TBC1D31: variants seen among roughly 807,000 people sequenced by gnomAD.
TBC1D31 encodes TBC1 domain family member 31.
TBC1D31 carries 99 observed loss-of-function variants against 132.9 expected under a neutral mutation model. The observed-to-expected ratio is 0.74, with a 90% CI of 0.63 to 0.88. The LOEUF is 0.88. Ranked by LOEUF, TBC1D31 falls within the 40% of genes least tolerant of loss-of-function variation. The probability of loss-of-function intolerance (pLI) is 0.00; values close to 1 mark genes in which losing one functional copy is unlikely to be tolerated. For synonymous variants in TBC1D31, 385 were observed against 419.4 expected (o/e 0.92, Z 1.00); for missense variants, 1,134 against 1,256.6 (o/e 0.90, Z 1.48).
rs1815951013 is a variant in TBC1D31, at chr8:123,088,039, A to T, written c.519+3699A>T. Among the ~76,000 whole-genome samples the T allele has an allele frequency of 5.9e-5, 9 of 152,256 alleles. No individual in the cohort carries two copies. The South Asian group carries it at 1.9e-3, about 32-fold the overall frequency. On this transcript the variant is annotated intron_variant, in intron 4 of 21. Transcript: ENST00000287380. Reference sequence around the variant, plus strand: ...CCTCATCTCTATTAAAAATACAAAGATTAGCTGGGTGTGGTGGCACATGCC... The same window carrying T: ...CCTCATCTCTATTAAAAATACAAAGTTTAGCTGGGTGTGGTGGCACATGCC...
intron 4 of TBC1D31, among the ~76,000 whole-genome samples, chr8:123,088,406 A>C (rs1815997726): frequency 6.6e-6 from 1 of 152,152 alleles, no homozygotes; most frequent in African/African-American, 2.4e-5. Flanking sequence ...GATGGGCAAC[A>C]CAGTGAGACC....
downstream of TBC1D31, among the ~76,000 whole-genome samples, chr8:123,152,476 C>T (rs1309542679): frequency 6.6e-6 from 1 of 152,136 alleles, no homozygotes; most frequent in Non-Finnish European, 1.5e-5. Context: ...GACTGCTCTT[C>T]CTCCCTCCCT....
chr8:123,077,208 G>A lies in TBC1D31; in HGVS notation c.175G>A (p.Ala59Thr). The A allele has an allele frequency of 6.2e-7, 1 of 1,612,728 alleles. No homozygotes were observed. Among genetic ancestry groups the A allele is most frequent in the Non-Finnish European group, 8.5e-7 (1 of 1,179,566 alleles). Residue 59 changes from alanine to threonine, a missense_variant, in exon 2 of 22, where the codon GCT becomes ACT. By Grantham distance (58) the Ala-to-Thr change is moderately conservative (BLOSUM62 0). Transcript: ENST00000287380. ...AFDGTGDCLI[A>T]GDHQGNIYVF... is the part of the protein sequence containing the mutation. ...TGATGGCACAGGCGACTGCTTAATT[G>A]CTGGGGACCACCAAGGAAATATTTA...
intron 11 of TBC1D31, chr8:123,123,002 T>G (rs973607414): frequency 2.0e-5 from 3 of 152,244 alleles, no homozygotes; most frequent in Admixed American, 2.0e-4. Flanking sequence ...TGCGTCTGAC[T>G]CCTGCTTTCA....
chr8:123,147,088 A>G (rs1386718963), intron 20 of TBC1D31, among the ~76,000 whole-genome samples: 2 of 152,090 alleles, frequency 1.3e-5, no homozygotes, highest in South Asian at 2.1e-4. Flanking sequence ...CACGAATTAA[A>G]TATTTAAAAC....
the TBC1D31 span, among the ~76,000 whole-genome samples, chr8:123,164,384 G>A: frequency 2.6e-5 from 4 of 152,298 alleles, no homozygotes; most frequent in South Asian, 8.3e-4. Context: ...GCTTACTGTG[G>A]CAGAGGGTGC....
chr8:123,145,692 TAAA>T (rs11434734), intron 20 of TBC1D31, among the ~76,000 whole-genome samples: 1 of 141,500 alleles, frequency 7.1e-6, no homozygotes, highest in Non-Finnish European at 1.5e-5. Context: ...CCTGTCTCTT[TAAA>T]AAAAAAAAAA....
intron 10 of TBC1D31, among the ~76,000 whole-genome samples, chr8:123,113,640 T>A (rs1160188775): frequency 1.3e-5 from 2 of 152,234 alleles, no homozygotes; most frequent in Admixed American, 1.3e-4. Flanking sequence ...ACGCTTTATA[T>A]ACTTATATGC....
chr8:123,150,052 A>G lies in TBC1D31; in HGVS notation c.2991A>G (p.Gln997=), dbSNP rs564566259. The change falls in exon 21 of 22, where the codon CAA becomes CAG. Residue 997 remains glutamine (Q), a synonymous_variant. Transcript: ENST00000287380. ...NPCHKEEPRF[Q]NEQDSSCLPR... is the part of the protein sequence containing the mutation. ...TTATAACAGAAGAACCCAGGTTCCA[A>G]AATGAACAGGACTCAAGCTGTTTGC... is the stretch of plus-strand genomic sequence containing the variant. The G allele has an allele frequency of 1.2e-6, 2 of 1,614,084 alleles. No individual in the cohort carries two copies. Among genetic ancestry groups the G allele is most frequent in the East Asian group, 2.2e-5 (1 of 44,864 alleles).
chr8:123,117,791 G>A (rs547175604), intron 10 of TBC1D31, among the ~76,000 whole-genome samples: 10 of 149,840 alleles, frequency 6.7e-5, no homozygotes, highest in South Asian at 2.1e-4. Context: ...TTAATTGAGC[G>A]TGGTGGCACA....
chr8:123,085,908 A>C lies in TBC1D31; in HGVS notation c.519+1568A>C, dbSNP rs75314244. 7.7e-3 allele frequency among the ~76,000 whole-genome samples: 1,166 copies of C among 152,284 alleles called. 13 individuals carry two copies. Among genetic ancestry groups the C allele is most frequent in the African/African-American group, 0.027 (1,113 of 41,566 alleles). Reference sequence around the variant, plus strand: ...TTGTTCTGAGCCCCACAGATGCCCCAGTTTGGTTCTATCATTTCTTTTAAC... The same window carrying C: ...TTGTTCTGAGCCCCACAGATGCCCCCGTTTGGTTCTATCATTTCTTTTAAC... On this transcript the variant is annotated intron_variant, in intron 4 of 21. Coordinates refer to ENST00000287380, the MANE Select transcript of TBC1D31 (RefSeq NM_145647.4).
chr8:123,080,699 G>A lies in TBC1D31; in HGVS notation c.225-2003G>A, dbSNP rs191062814. 1.6e-3 allele frequency among the ~76,000 whole-genome samples: 243 copies of A among 151,972 alleles called. 1 individual carries two copies. Among genetic ancestry groups the A allele is most frequent in the African/African-American group, 5.6e-3 (234 of 41,460 alleles). On this transcript the variant is annotated intron_variant, in intron 2 of 21. Coordinates refer to ENST00000287380, the MANE Select transcript of TBC1D31 (RefSeq NM_145647.4). ...CTACAGGTATGTGCCACCACGCCCA[G>A]CTAATTTTTTGTATTTTAGTAGAGA...
chr8:123,073,442 G>T (rs908386366), intron 1 of TBC1D31: 9 of 455,816 alleles, frequency 2.0e-5, no homozygotes, highest in Admixed American at 1.9e-4. Context: ...GTATGTAGGG[G>T]CTGGGGCGTT....
At position 123,076,933 on chromosome 8, in the gene TBC1D31, G is replaced by A. The variant is rs529856776; in HGVS notation, c.78-178G>A. 3.3e-5 allele frequency among the ~76,000 whole-genome samples: 5 copies of A among 152,252 alleles called. No individual in the cohort carries two copies. The South Asian group carries it at 1.0e-3, about 32-fold the overall frequency. ...TAAACAGTAGCTATTTTGATAATGA[G>A]TAGCTTCTGACCTGTTTTTCTGAAA... On this transcript the variant is annotated intron_variant, in intron 1 of 21. Transcript: ENST00000287380.
chr8:123,130,159 T>C (rs1278513952), intron 15 of TBC1D31, 39 bp from the exon 16 acceptor site: 1 of 1,579,290 alleles, frequency 6.3e-7, no homozygotes, highest in Admixed American at 1.8e-5. Flanking sequence ...ATATTAGGAA[T>C]TGCTGTATTT....
At chr8:123,084,381 G>A in intron 4 of TBC1D31, 41 bp downstream of exon 4, 1 of 1,585,184 alleles carries the variant, frequency 6.3e-7, no homozygotes. Context: ...TGCTTCTCGG[G>A]CTAATTTCTT....
chr8:123,109,229 T>G, intron 8 of TBC1D31, 88 bp from the exon 9 acceptor site: 1 of 891,394 alleles, frequency 1.1e-6, no homozygotes, highest in African/African-American at 1.7e-5. Flanking sequence ...TTTCTAAAGT[T>G]GGGAAGTCAC....
chr8:123,157,721 A>ACG, the TBC1D31 span, among the ~76,000 whole-genome samples: 1 of 148,836 alleles, frequency 6.7e-6, no homozygotes, highest in Non-Finnish European at 1.5e-5. Flanking sequence ...GCGCGCGCGC[A>ACG]CACACACACA....
intron 4 of TBC1D31, among the ~76,000 whole-genome samples, chr8:123,092,978 AT>A (rs1229293909): frequency 6.6e-6 from 1 of 151,720 alleles, no homozygotes; most frequent in Non-Finnish European, 1.5e-5. Flanking sequence ...TGCCTGAGTA[AT>A]TTTTTTATTT....
Sources: allele counts gnomAD v4.1 joint callset (sites outside exome capture counted in the v4.1 genomes callset), GRCh38; gene constraint gnomAD v4.1.1; transcripts MANE v1.5; gene names NCBI Gene and HGNC (gene_info 2026-07-23, HGNC 2026-07-21).